The following CTNNA2 variants were observed in gnomAD, a reference collection of about 807,000 sequenced individuals.
CTNNA2 encodes the protein catenin alpha 2, also known as catenin alpha-2.
A neutral mutation model predicts 101.0 loss-of-function variants in CTNNA2; 42 were observed. That is an observed-to-expected ratio of 0.42 (90% CI 0.32 to 0.54). CTNNA2 has a LOEUF of 0.54. CTNNA2 is among the 20% of genes least tolerant of loss of function. The probability of loss-of-function intolerance (pLI) is 0.14; values close to 1 mark genes in which losing one functional copy is unlikely to be tolerated. For synonymous variants in CTNNA2, 450 were observed against 456.4 expected, an observed-to-expected ratio of 0.99 and a Z score of 0.18; for missense variants, 871 against 1,223.1, an observed-to-expected ratio of 0.71 and a Z score of 4.29.
intron 15 of CTNNA2, among the ~76,000 whole-genome samples, chr2:80,594,626 T>C (rs1486130044): frequency 6.6e-6 from 1 of 152,084 alleles, no homozygotes; most frequent in Non-Finnish European, 1.5e-5. Flanking sequence ...CTTTGAGTTT[T>C]ATACTTTAGT....
chr2:79,752,048 T>G (rs759107613), intron 3 of CTNNA2, among the ~76,000 whole-genome samples: 4 of 151,910 alleles, frequency 2.6e-5, no homozygotes, highest in Non-Finnish European at 5.9e-5. Flanking sequence ...TCTTTAGGAG[T>G]GACAGGGGCA....
At chr2:79,434,161 G>T (rs1388509884) in intron 4 of CTNNA2, among the ~76,000 whole-genome samples, 1 of 151,886 alleles carries the variant, frequency 6.6e-6, no homozygotes, top group South Asian at 2.1e-4. Flanking sequence ...ATTCCTGCAG[G>T]GTGGTGCATT....
chr2:79,507,650 A>C (rs1671442742), intron 5 of CTNNA2, among the ~76,000 whole-genome samples: 1 of 152,160 alleles, frequency 6.6e-6, no homozygotes, highest in Non-Finnish European at 1.5e-5. Flanking sequence ...AGGATCAGAC[A>C]TTTTTTAAAT....
chr2:80,169,391 A>T (rs972634092), intron 7 of CTNNA2, among the ~76,000 whole-genome samples: 8 of 152,208 alleles, frequency 5.3e-5, no homozygotes, highest in African/African-American at 1.9e-4. Flanking sequence ...ATCCAATCAG[A>T]ATCTGGCCTT....
intron 1 of CTNNA2, among the ~76,000 whole-genome samples, chr2:79,587,741 C>T (rs1412277437): frequency 6.6e-6 from 1 of 152,178 alleles, no homozygotes; most frequent in Non-Finnish European, 1.5e-5. Flanking sequence ...AGAATAGCAA[C>T]TTTTTGTAAG....
chr2:80,253,144 C>T (rs910761398), intron 7 of CTNNA2, among the ~76,000 whole-genome samples: 1 of 152,078 alleles, frequency 6.6e-6, no homozygotes, highest in Non-Finnish European at 1.5e-5. Context: ...TGGAAAAGTA[C>T]ACCAAACTGG....
intron 2 of CTNNA2, among the ~76,000 whole-genome samples, chr2:79,674,187 A>G (rs1480124673): frequency 6.6e-6 from 1 of 152,210 alleles, no homozygotes; most frequent in Non-Finnish European, 1.5e-5. Flanking sequence ...GTTCAAATAA[A>G]TATGAGCCCT....
chr2:79,981,374 T>C (rs753942697), intron 7 of CTNNA2, among the ~76,000 whole-genome samples: 2 of 152,218 alleles, frequency 1.3e-5, no homozygotes, highest in Admixed American at 6.5e-5. Context: ...GATACAGATA[T>C]GAAAAGAGAA....
intron 1 of CTNNA2, among the ~76,000 whole-genome samples, chr2:79,611,082 C>T (rs373316668): frequency 6.6e-6 from 1 of 151,950 alleles, no homozygotes; most frequent in Non-Finnish European, 1.5e-5. Context: ...GTATGTATAC[C>T]TAATGAATAT....
At chr2:79,894,246 C>T (rs1365332906) in intron 6 of CTNNA2, among the ~76,000 whole-genome samples, 1 of 152,012 alleles carries the variant, frequency 6.6e-6, no homozygotes, top group Admixed American at 6.6e-5. Context: ...TGATTTGTTT[C>T]TCCCATCTTC....
At chr2:80,295,258 C>T (rs574323360) in intron 7 of CTNNA2, among the ~76,000 whole-genome samples, 2 of 150,926 alleles carry the variant, frequency 1.3e-5, no homozygotes, top group African/African-American at 2.4e-5. Context: ...GGGGCTACCT[C>T]ACACCACATC....
intron 7 of CTNNA2, among the ~76,000 whole-genome samples, chr2:80,050,164 C>T (rs1041468209): frequency 6.6e-6 from 1 of 152,172 alleles, no homozygotes; most frequent in African/African-American, 2.4e-5. Context: ...AGTATTACCA[C>T]ACAGGGTGTA....
At chr2:79,272,248 A>C (rs141930846) in intron 2 of CTNNA2, among the ~76,000 whole-genome samples, 36 of 152,146 alleles carry the variant, frequency 2.4e-4, no homozygotes, top group African/African-American at 8.2e-4. Flanking sequence ...TAATAATTAT[A>C]TGAAAACTCC....
intron 1 of CTNNA2, among the ~76,000 whole-genome samples, chr2:79,625,361 C>T (rs1336840832): frequency 6.6e-6 from 1 of 151,734 alleles, no homozygotes; most frequent in Non-Finnish European, 1.5e-5. Flanking sequence ...ACTTACATGT[C>T]TCTACAAAAA....
chr2:80,633,869 C>T (rs927782909), intron 18 of CTNNA2, among the ~76,000 whole-genome samples: 1 of 152,136 alleles, frequency 6.6e-6, no homozygotes, highest in Non-Finnish European at 1.5e-5. Flanking sequence ...AAAGACTGAT[C>T]TTGAAATGCT....
At chr2:79,244,127 C>T (rs1003329086) in intron 2 of CTNNA2, among the ~76,000 whole-genome samples, 13 of 152,150 alleles carry the variant, frequency 8.5e-5, no homozygotes, top group Admixed American at 7.2e-4. Flanking sequence ...TGGGCCTCAT[C>T]TTCTTTGTGG....
At chr2:79,331,860 C>T (rs528563440) in intron 3 of CTNNA2, among the ~76,000 whole-genome samples, 4 of 152,094 alleles carry the variant, frequency 2.6e-5, no homozygotes, top group Admixed American at 6.5e-5. Flanking sequence ...ATTATTGATT[C>T]GAGAACAAAA....
At chr2:79,759,812 C>T (rs773548594) in intron 3 of CTNNA2, among the ~76,000 whole-genome samples, 2 of 152,168 alleles carry the variant, frequency 1.3e-5, no homozygotes, top group Non-Finnish European at 2.9e-5. Flanking sequence ...ATAGATATTG[C>T]TATTTAATAT....
At position 80,271,421 on chromosome 2, in the gene CTNNA2, C is replaced by CA. The variant is rs1458489216; in HGVS notation, c.1057-121790_1057-121789insA. 6.4e-5 allele frequency among the ~76,000 whole-genome samples: 9 copies of CA among 139,808 alleles called. No individual in the cohort carries two copies. In the East Asian group the frequency reaches 1.9e-3, roughly 29 times the overall value. The allele number at this position is 139,808 out of a possible 152,430, so 91.7% of individuals were successfully genotyped here. A position where few individuals can be genotyped will look rare whatever the true frequency, so the allele number is the denominator to read the frequency against. On this transcript the variant is annotated intron_variant, in intron 7 of 18. Transcript: ENST00000402739. Reference sequence around the variant, plus strand: ...TTGACCAAGCTTCTTTATCCTCAGTCTTTTTTTTTTTTTTTTCTGAGATGG... The same window carrying CA: ...TTGACCAAGCTTCTTTATCCTCAGTCATTTTTTTTTTTTTTTTCTGAGATGG...
Sources: gnomAD v4.1 joint callset for allele counts (sites outside exome capture counted in the v4.1 genomes callset) on GRCh38, gnomAD v4.1.1 for gene constraint, MANE v1.5 for transcripts, NCBI Gene and HGNC (gene_info 2026-07-23, HGNC 2026-07-21) for gene names.